Variants in ILKAP observed in about 807,000 individuals in gnomAD.
ILKAP encodes integrin-linked kinase-associated serine/threonine phosphatase 2C.
In ILKAP, 11 loss-of-function variants were observed where a neutral mutation model predicts 49.1. The observed-to-expected ratio is 0.22, with a 90% CI of 0.14 to 0.37. The LOEUF (loss-of-function observed/expected upper bound fraction) is 0.37, where lower values mean the gene tolerates loss of function less well. ILKAP is among the 10% of genes least tolerant of loss of function. The pLI, the probability that ILKAP is intolerant of heterozygous loss-of-function variation, is 1.00. For missense variants in ILKAP, 363 were observed against 510.8 expected, an observed-to-expected ratio of 0.71 and a Z score of 2.79; for synonymous variants, 186 against 192.8, an observed-to-expected ratio of 0.96 and a Z score of 0.29.
rs139071680 is a variant in ILKAP at position 238,183,745 on chromosome 2, G to C, written c.627-5C>G. The C allele has an allele frequency of 6.2e-7, 1 of 1,608,628 alleles. No individual in the cohort carries two copies. Among genetic ancestry groups the C allele is most frequent in the Non-Finnish European group, 8.5e-7 (1 of 1,177,106 alleles). On this transcript the variant is annotated splice_region_variant and splice_polypyrimidine_tract_variant and intron_variant, in intron 7 of 11. Transcript: ENST00000254654. The stretch of plus-strand genomic sequence containing the variant: ...CCATCTTTCCAGGCAGGCTTCCTGG[G>C]GGGAAACACATCAGAAACACAGTCA...
chr2:238,180,157 TTC>T (rs925307503), intron 9 of ILKAP, among the ~76,000 whole-genome samples: 1 of 150,086 alleles, frequency 6.7e-6, no homozygotes, highest in South Asian at 2.1e-4. Context: ...CAGATCAAGA[TTC>T]TCTCTCTCAA....
chr2:238,190,624 T>G (rs1352346789), intron 3 of ILKAP, among the ~76,000 whole-genome samples: 1 of 152,196 alleles, frequency 6.6e-6, no homozygotes, highest in Admixed American at 6.5e-5. Context: ...CTCAGAGGGA[T>G]GTTTGAAAAT....
intron 5 of ILKAP, chr2:238,186,513 A>G (rs1326702986): frequency 5.3e-5 from 8 of 152,226 alleles, no homozygotes; most frequent in Admixed American, 5.2e-4. Flanking sequence ...TATGCAGTCC[A>G]TCACTGACTT....
chr2:238,188,368 T>A, intron 4 of ILKAP, 111 bp from the exon 5 acceptor site: 2 of 1,309,934 alleles, frequency 1.5e-6, no homozygotes, highest in Non-Finnish European at 2.1e-6. Context: ...AGCAATATCC[T>A]AATGGCGCAA....
At chr2:238,186,766 TCTTTC>T (rs944278752) in intron 5 of ILKAP, 2 of 152,158 alleles carry the variant, frequency 1.3e-5, no homozygotes, top group Non-Finnish European at 2.9e-5. Context: ...GAGCTGCTTT[TCTTTC>T]AAGTTTTTTG....
In ILKAP at chr2:238,175,205, C is replaced by A. The variant is rs566992939; in HGVS notation, c.837-1552G>T. ...CAATCACTCGCTGGGCTCAAGTGAT[C>A]CTCCCACCTCAGCCTCCTGAGTAGC... On this transcript the variant is annotated intron_variant, in intron 9 of 11. Coordinates refer to ENST00000254654, the MANE Select transcript of ILKAP (RefSeq NM_030768.3). Among the ~76,000 whole-genome samples the A allele has an allele frequency of 7.9e-5, 12 of 151,788 alleles. No homozygotes were observed. The South Asian group carries it at 2.5e-3, about 32-fold the overall frequency.
At chr2:238,202,606 A>C (rs1316284096) in intron 1 of ILKAP, among the ~76,000 whole-genome samples, 1 of 152,188 alleles carries the variant, frequency 6.6e-6, no homozygotes, top group Non-Finnish European at 1.5e-5. Context: ...TGAACGTCTT[A>C]AGTTTTCCAG....
In ILKAP at chr2:238,173,787, C is replaced by T; in HGVS notation, c.837-134G>A. 14 of 1,079,358 alleles carry T rather than the reference C, an allele frequency of 1.3e-5. No individual in the cohort carries two copies. The South Asian group carries it at 2.1e-4, about 16-fold the overall frequency. The allele number at this position is 1,079,358 out of a possible 1,614,324, so 66.9% of individuals were successfully genotyped here. A position where few individuals can be genotyped will look rare whatever the true frequency, so the allele number is the denominator to read the frequency against. On this transcript the variant is annotated intron_variant, in intron 9 of 11. Transcript: ENST00000254654. ...GTGGAATTCACATTATTAACCACTA[C>T]TGACATTTCTTGATCTCAAATATGC...
intron 1 of ILKAP, among the ~76,000 whole-genome samples, chr2:238,203,107 C>T (rs1200812222): frequency 1.3e-5 from 2 of 151,590 alleles, no homozygotes; most frequent in Admixed American, 6.6e-5. Flanking sequence ...GGGCGGGCGA[C>T]GCGCAAGGCA....
chr2:238,173,645 C>T lies in ILKAP; in HGVS notation c.845G>A (p.Arg282His), dbSNP rs1693324441. The change falls in exon 10 of 12, where the codon CGT (arginine) becomes CAT (histidine). Residue 282 changes from arginine to histidine, a missense_variant. Coordinates refer to ENST00000254654, the MANE Select transcript of ILKAP (RefSeq NM_030768.3). ...QKAGGNVRDGRVLGVLEVSRS... is the reference protein window; with the variant it reads ...QKAGGNVRDGHVLGVLEVSRS... Reference sequence around the variant, plus strand: ...TGACACCTCTAGCACGCCCAAAACACGCCCATCCCTAAAATGAGAGGAAAA... The same window carrying T: ...TGACACCTCTAGCACGCCCAAAACATGCCCATCCCTAAAATGAGAGGAAAA... 1.9e-6 allele frequency: 3 copies of T among 1,613,432 alleles called. No individual in the cohort carries two copies. The highest frequency in any genetic ancestry group is 1.3e-5 in the African/African-American group (1 of 74,920).
intron 9 of ILKAP, among the ~76,000 whole-genome samples, chr2:238,174,820 T>C (rs142871079): frequency 2.7e-3 from 418 of 152,222 alleles, no homozygotes; most frequent in Non-Finnish European, 4.7e-3. Context: ...CACCTGGCCT[T>C]AAGAGTGCCA....
chr2:238,194,397 T>C, intron 2 of ILKAP, 66 bp from the exon 3 acceptor site: 2 of 1,474,396 alleles, frequency 1.4e-6, no homozygotes, highest in Non-Finnish European at 1.9e-6. Flanking sequence ...TCAGAATCCA[T>C]CCCACCAGGA....
chr2:238,201,712 G>A (rs1482744103), intron 1 of ILKAP, among the ~76,000 whole-genome samples: 3 of 152,198 alleles, frequency 2.0e-5, no homozygotes, highest in African/African-American at 4.8e-5. Context: ...AAAAGCAATG[G>A]AGATTTTAAG....
intron 1 of ILKAP, among the ~76,000 whole-genome samples, chr2:238,198,470 C>A (rs1490632109): frequency 1.3e-5 from 2 of 152,170 alleles, no homozygotes; most frequent in African/African-American, 4.8e-5. Context: ...AACTACTGTA[C>A]TCAAGCAATC....
intron 1 of ILKAP, among the ~76,000 whole-genome samples, chr2:238,202,299 C>T (rs971047186): frequency 2.0e-5 from 3 of 152,218 alleles, no homozygotes; most frequent in African/African-American, 7.2e-5. Flanking sequence ...AAGCTCAATT[C>T]AAACACTGCC....
intron 9 of ILKAP, among the ~76,000 whole-genome samples, chr2:238,179,579 T>TC (rs910105190): frequency 2.0e-5 from 3 of 152,040 alleles, no homozygotes; most frequent in Middle Eastern, 3.2e-3. Flanking sequence ...CCAGTGAACC[T>TC]CCCCAGATTA....
At chr2:238,184,859 ATC>A (rs1051587606) in intron 6 of ILKAP, among the ~76,000 whole-genome samples, 26 of 152,038 alleles carry the variant, frequency 1.7e-4, no homozygotes, top group African/African-American at 5.6e-4. Flanking sequence ...AGCCAGAACA[ATC>A]TCTGTTTCTT....
intron 9 of ILKAP, among the ~76,000 whole-genome samples, chr2:238,180,660 C>G (rs1186568463): frequency 6.6e-6 from 1 of 152,248 alleles, no homozygotes; most frequent in East Asian, 1.9e-4. Flanking sequence ...CTGCTGGTCT[C>G]TTAGCCTCAG....
At chr2:238,198,163 G>C (rs1349303025) in intron 1 of ILKAP, among the ~76,000 whole-genome samples, 1 of 151,836 alleles carries the variant, frequency 6.6e-6, no homozygotes, top group African/African-American at 2.4e-5. Context: ...TTAGAAGTCT[G>C]TATGTGGATT....
Sources: allele counts gnomAD v4.1 joint callset (sites outside exome capture counted in the v4.1 genomes callset), GRCh38; gene constraint gnomAD v4.1.1; transcripts MANE v1.5; gene names NCBI Gene and HGNC (gene_info 2026-07-23, HGNC 2026-07-21).